CHRNA9: variants seen among roughly 807,000 people sequenced by gnomAD.
CHRNA9 encodes the protein neuronal acetylcholine receptor subunit alpha-9.
CHRNA9 carries 24 observed loss-of-function variants against 36.8 expected under a neutral mutation model. That is an observed-to-expected ratio of 0.65 (90% CI 0.47 to 0.92). The LOEUF (loss-of-function observed/expected upper bound fraction) is 0.92. Among genes scored for constraint, CHRNA9 ranks in the 40% least tolerant of loss-of-function variants. The pLI is 0.00. For missense variants in CHRNA9, 610 were observed against 601.2 expected (o/e 1.01, Z -0.15); for synonymous variants, 231 against 231.8 (o/e 1.00, Z 0.03).
In CHRNA9 at chr4:40,337,246, A is replaced by T. The variant is rs1456287884; in HGVS notation, c.247A>T (p.Ile83Phe). The T allele has an allele frequency of 6.2e-7, 1 of 1,614,200 alleles. No individual in the cohort carries two copies. The highest frequency in any genetic ancestry group is 8.5e-7 in the Non-Finnish European group (1 of 1,180,026). Reference sequence around the variant, plus strand: ...CCAAATTCTGACTGCTTATTTGTGGATCCGCCAAATCTGGCACGATGCCTA... The same window carrying T: ...CCAAATTCTGACTGCTTATTTGTGGTTCCGCCAAATCTGGCACGATGCCTA... ...RNQILTAYLW[I>F]RQIWHDAYLT... Residue 83 changes from isoleucine to phenylalanine, a missense_variant, in exon 3 of 5, where the codon ATC becomes TTC. Coordinates refer to ENST00000310169, the MANE Select transcript of CHRNA9 (RefSeq NM_017581.4).
At chr4:40,352,044 G>A (rs1712816311) in intron 4 of CHRNA9, among the ~76,000 whole-genome samples, 1 of 152,116 alleles carries the variant, frequency 6.6e-6, no homozygotes, top group South Asian at 2.1e-4. Flanking sequence ...GGAACTATTT[G>A]TTTCTTGAAA....
chr4:40,347,957 T>G (rs1712680908), intron 3 of CHRNA9: 1 of 152,204 alleles, frequency 6.6e-6, no homozygotes, highest in African/African-American at 2.4e-5. Context: ...AAATAGGAAT[T>G]TGTTAGAAGG....
Position 40,348,922 on chromosome 4 carries a change from G to A in CHRNA9, c.406G>A (p.Val136Ile). ...ESSEPVNTNV[V>I]LRYDGLITWD... ...TTCAGAGCCTGTGAACACCAATGTG[G>A]TCCTGCGGTATGATGGGCTGATCAC... The change falls in exon 4 of 5, where the codon GTC becomes ATC. Residue 136 changes from valine (V) to isoleucine (I), a missense_variant. Transcript: ENST00000310169. 1.2e-6 allele frequency: 2 copies of A among 1,614,104 alleles called. No individual in the cohort carries two copies. Among genetic ancestry groups the A allele is most frequent in the Non-Finnish European group, 8.5e-7 (1 of 1,179,996 alleles).
intron 3 of CHRNA9, among the ~76,000 whole-genome samples, chr4:40,339,155 T>A (rs967050260): frequency 6.7e-6 from 1 of 149,790 alleles, no homozygotes; most frequent in African/African-American, 2.5e-5. Context: ...GGCGGGCGCC[T>A]GTAATCCCAG....
chr4:40,338,950 G>A (rs765732386), intron 3 of CHRNA9, among the ~76,000 whole-genome samples: 4 of 151,666 alleles, frequency 2.6e-5, no homozygotes, highest in Admixed American at 6.6e-5. Context: ...CCACACTCTC[G>A]TCTGCAGAGT....
chr4:40,337,503 A>T, intron 3 of CHRNA9, 139 bp downstream of exon 3: 1 of 1,005,110 alleles, frequency 9.9e-7, no homozygotes, highest in Non-Finnish European at 1.4e-6. Context: ...CTGAAATAAG[A>T]GACATAGAAT....
intron 3 of CHRNA9, among the ~76,000 whole-genome samples, chr4:40,337,690 G>A (rs1712368104): frequency 6.6e-6 from 1 of 152,158 alleles, no homozygotes; most frequent in Non-Finnish European, 1.5e-5. Context: ...TCACAGTTCT[G>A]GAGTTGAGAT....
Position 40,349,342 on chromosome 4 carries a change from C to T in CHRNA9, c.826C>T (p.Leu276=). The T allele has an allele frequency of 3.1e-6, 5 of 1,614,132 alleles. No homozygotes were observed. The Middle Eastern group carries it at 6.6e-4, about 213-fold the overall frequency. The change falls in exon 4 of 5, where the codon CTG becomes TTG. Residue 276 remains leucine (L), a synonymous_variant. Transcript: ENST00000310169. ...AAAGGTCTCCCTGGGAGTGACCATCCTGTTGGCCATGACTGTATTTCAGCT... is the reference window on the plus strand; with the variant it reads ...AAAGGTCTCCCTGGGAGTGACCATCTTGTTGGCCATGACTGTATTTCAGCT... ...GEKVSLGVTI[L]LAMTVFQLMV... is the part of the protein sequence containing the mutation.
chr4:40,337,878 C>G (rs1712373259), intron 3 of CHRNA9, among the ~76,000 whole-genome samples: 1 of 152,172 alleles, frequency 6.6e-6, no homozygotes, highest in African/African-American at 2.4e-5. Context: ...TGTGTGTTCC[C>G]TGTGTCCAAA....
intron 2 of CHRNA9, 102 bp downstream of exon 2, chr4:40,336,074 T>G (rs1712310616): frequency 2.0e-6 from 2 of 1,002,862 alleles, no homozygotes; most frequent in Non-Finnish European, 3.0e-6. Context: ...GAGGGAATGA[T>G]AGCTCCTTAA....
chr4:40,337,740 G>A (rs1712369876), intron 3 of CHRNA9, among the ~76,000 whole-genome samples: 3 of 152,140 alleles, frequency 2.0e-5, no homozygotes, highest in Non-Finnish European at 4.4e-5. Flanking sequence ...TTCCTCTGAG[G>A]GCTGTGAGGG....
intron 3 of CHRNA9, among the ~76,000 whole-genome samples, chr4:40,345,714 AAAAC>A (rs200677279): frequency 1.5e-3 from 224 of 151,194 alleles, no homozygotes; most frequent in Admixed American, 0.011. Flanking sequence ...TCCATCTCAA[AAAAC>A]AAACAAACAA....
chr4:40,347,958 T>A (rs1276529962), intron 3 of CHRNA9: 1 of 152,204 alleles, frequency 6.6e-6, no homozygotes, highest in Non-Finnish European at 1.5e-5. Context: ...AATAGGAATT[T>A]GTTAGAAGGA....
At chr4:40,345,218 G>C (rs4568270) in intron 3 of CHRNA9, among the ~76,000 whole-genome samples, 67,981 of 151,852 alleles carry the variant, frequency 0.45, 16,749 homozygotes, top group East Asian at 0.82. Context: ...CAAAAATCTA[G>C]GGAGATAAAC....
chr4:40,345,196 C>T (rs1712603433), intron 3 of CHRNA9, among the ~76,000 whole-genome samples: 1 of 151,928 alleles, frequency 6.6e-6, no homozygotes, highest in Non-Finnish European at 1.5e-5. Flanking sequence ...AAGTTTTGAG[C>T]TGTGTTATGA....
At chr4:40,352,278 G>T (rs1202367393) in intron 4 of CHRNA9, among the ~76,000 whole-genome samples, 1 of 152,190 alleles carries the variant, frequency 6.6e-6, no homozygotes, top group African/African-American at 2.4e-5. Context: ...CTGGAGTGCA[G>T]TGGTGTAATC....
At chr4:40,337,803 T>C (rs1056582638) in intron 3 of CHRNA9, among the ~76,000 whole-genome samples, 3 of 152,140 alleles carry the variant, frequency 2.0e-5, no homozygotes, top group African/African-American at 7.2e-5. Context: ...TGGCAGTCTT[T>C]GGTGTTCTTG....
In CHRNA9 at chr4:40,354,075, C is replaced by G; in HGVS notation, c.995C>G (p.Pro332Arg). Residue 332 changes from proline to arginine, a missense_variant, in exon 5 of 5, where the codon CCG (proline) becomes CGG (arginine). By Grantham distance (103) the Pro-to-Arg change is moderately radical. Transcript: ENST00000310169. Reference protein sequence around the residue: ...NIHFCGAEARPVPHWARVVIL... With the variant: ...NIHFCGAEARRVPHWARVVIL... ...CACTTCTGTGGGGCCGAGGCCCGGC[C>G]GGTGCCACACTGGGCCAGGGTGGTC... is the stretch of plus-strand genomic sequence containing the variant. The G allele has an allele frequency of 6.2e-7, 1 of 1,614,166 alleles. No homozygotes were observed. The highest frequency in any genetic ancestry group is 8.5e-7 in the Non-Finnish European group (1 of 1,180,020).
At position 40,354,493 on chromosome 4, in the gene CHRNA9, T is replaced by C. The variant is rs764550636; in HGVS notation, c.1413T>C (p.Thr471=). ...TTTTCATTATGGTGTTTGTGATGACTATTTTGATCATAGCAAGAGCGGATT... is the reference window on the plus strand; with the variant it reads ...TTTTCATTATGGTGTTTGTGATGACCATTTTGATCATAGCAAGAGCGGATT... The part of the protein sequence containing the change: ...WIFFIMVFVM[T]ILIIARAD The change falls in exon 5 of 5, where the codon ACT becomes ACC. Residue 471 remains threonine (T), a synonymous_variant. Transcript: ENST00000310169. The C allele has an allele frequency of 1.2e-6, 2 of 1,613,050 alleles. No individual in the cohort carries two copies. The highest frequency in any genetic ancestry group is 2.2e-5 in the East Asian group (1 of 44,868).
Sources: allele counts gnomAD v4.1 joint callset (sites outside exome capture counted in the v4.1 genomes callset), GRCh38; gene constraint gnomAD v4.1.1; transcripts MANE v1.5; gene names NCBI Gene and HGNC (gene_info 2026-07-23, HGNC 2026-07-21).